DRC12: variants seen among roughly 807,000 people sequenced by gnomAD.
DRC12 encodes dynein regulatory complex subunit 12 homolog, also known as dynein regulatory complex protein 12.
chr11:119,190,602 G>A, the DRC12 span: 16 of 1,549,256 alleles, frequency 1.0e-5, no homozygotes, highest in Middle Eastern at 1.7e-4. The surrounding 1 kb of genome is among the most constrained non-coding windows in gnomAD (Gnocchi z 4.2). Flanking sequence ...CCTTGGAGAC[G>A]CTCCTTCTCC....
the DRC12 span, chr11:119,193,508 C>T: frequency 7.8e-7 from 1 of 1,284,080 alleles, no homozygotes; most frequent in Non-Finnish European, 1.0e-6. Context: ...GAGATGATGG[C>T]TATGACTGCA....
At chr11:119,190,994 C>A in the DRC12 span, among the ~76,000 whole-genome samples, 4 of 152,158 alleles carry the variant, frequency 2.6e-5, no homozygotes, top group African/African-American at 9.7e-5. The surrounding 1 kb of genome is among the most constrained non-coding windows in gnomAD (Gnocchi z 4.2). Context: ...AGCTGAAGCT[C>A]CACTGAGGTA....
the DRC12 span, chr11:119,193,833 C>T: frequency 4.5e-6 from 7 of 1,551,662 alleles, no homozygotes; most frequent in South Asian, 2.4e-5. Flanking sequence ...GCAGCCTCTG[C>T]CTCAGCTGGT....
chr11:119,193,596 T>G, the DRC12 span: 12 of 1,437,278 alleles, frequency 8.3e-6, no homozygotes, highest in Middle Eastern at 7.3e-4. Flanking sequence ...GGAACCTACC[T>G]GCCTTTGGTT....
chr11:119,191,047 C>T, the DRC12 span, among the ~76,000 whole-genome samples: 8 of 151,878 alleles, frequency 5.3e-5, no homozygotes, highest in East Asian at 1.9e-4. Flanking sequence ...GCTCCAAAGT[C>T]GGATTACTAC....
chr11:119,190,456 C>A, the DRC12 span: 1 of 1,613,998 alleles, frequency 6.2e-7, no homozygotes, highest in Non-Finnish European at 8.5e-7. The surrounding 1 kb of genome is among the most constrained non-coding windows in gnomAD (Gnocchi z 4.2). Flanking sequence ...GACTGTCCTG[C>A]AGACATCAAT....
the DRC12 span, among the ~76,000 whole-genome samples, chr11:119,194,060 T>C: frequency 6.6e-6 from 1 of 152,294 alleles, no homozygotes; most frequent in East Asian, 1.9e-4. Flanking sequence ...CACAGGCTCC[T>C]CATTATTAAG....
chr11:119,193,326 G>A, the DRC12 span: 2 of 1,188,900 alleles, frequency 1.7e-6, no homozygotes, highest in Non-Finnish European at 2.5e-6. Context: ...GGGTGGGGAA[G>A]ACTCTACTTG....
the DRC12 span, among the ~76,000 whole-genome samples, chr11:119,191,604 C>G: frequency 1.3e-5 from 2 of 151,442 alleles, no homozygotes; most frequent in Non-Finnish European, 2.9e-5. Flanking sequence ...GTCAGGAGTC[C>G]GAAACGAGCC....
chr11:119,190,888 T>G, the DRC12 span: 1 of 1,586,600 alleles, frequency 6.3e-7, no homozygotes, highest in Non-Finnish European at 8.6e-7. The surrounding 1 kb of genome is among the most constrained non-coding windows in gnomAD (Gnocchi z 4.2). Flanking sequence ...CACTCTATCC[T>G]TGACCAGTCT....
the DRC12 span, chr11:119,193,331 T>C: frequency 8.8e-7 from 1 of 1,140,252 alleles, no homozygotes; most frequent in Non-Finnish European, 1.3e-6. Flanking sequence ...GGGAAGACTC[T>C]ACTTGGTCTA....
chr11:119,193,820 C>T, the DRC12 span: 2 of 1,551,702 alleles, frequency 1.3e-6, no homozygotes, highest in Non-Finnish European at 1.7e-6. Flanking sequence ...GCCTCCACCC[C>T]TTGCAGCCTC....
At chr11:119,191,756 C>T in the DRC12 span, among the ~76,000 whole-genome samples, 3 of 151,434 alleles carry the variant, frequency 2.0e-5, no homozygotes, top group African/African-American at 7.3e-5. Context: ...TGCAGTGAGC[C>T]GAGATTTGCC....
the DRC12 span, chr11:119,194,004 C>T: frequency 2.0e-6 from 2 of 976,528 alleles, no homozygotes; most frequent in African/African-American, 3.3e-5. Context: ...CAGCCTCTTA[C>T]TCTCTCTCTG....
chr11:119,195,627 A>G, the DRC12 span: 8 of 675,570 alleles, frequency 1.2e-5, no homozygotes, highest in African/African-American at 1.3e-4. Flanking sequence ...GTCAGTTCAC[A>G]GTCTCTTTGG....
At chr11:119,193,862 G>A in the DRC12 span, 6,117 of 1,551,432 alleles carry the variant, frequency 3.9e-3, 216 homozygotes, top group African/African-American at 0.073. Flanking sequence ...GCCTTGGCTC[G>A]ACGGGCTTCA....
At chr11:119,190,294 AG>A in the DRC12 span, 1 of 1,614,206 alleles carries the variant, frequency 6.2e-7, no homozygotes, top group Non-Finnish European at 8.5e-7. The surrounding 1 kb of genome is among the most constrained non-coding windows in gnomAD (Gnocchi z 4.2). Context: ...GGGGCCTCAG[AG>A]AACACTAGAG....
At chr11:119,195,732 T>C in the DRC12 span, 4 of 483,162 alleles carry the variant, frequency 8.3e-6, no homozygotes, top group Admixed American at 1.1e-4. Context: ...AACTCTCTTT[T>C]AGAGAAACGA....
At chr11:119,195,485 C>T in the DRC12 span, 2 of 1,551,276 alleles carry the variant, frequency 1.3e-6, no homozygotes, top group South Asian at 1.2e-5. Flanking sequence ...TTTTAGGTGG[C>T]ATCTCCTTGC....
Sources: allele counts gnomAD v4.1 joint callset (sites outside exome capture counted in the v4.1 genomes callset), GRCh38; gene constraint gnomAD v4.1.1; non-coding constraint Gnocchi (gnomAD v3.1); transcripts MANE v1.5; gene names NCBI Gene and HGNC (gene_info 2026-07-23, HGNC 2026-07-21).